TOP6BL: variants seen among roughly 807,000 people sequenced by gnomAD.
TOP6BL encodes the protein TOP6B like initiator of meiotic double strand breaks, also known as type 2 DNA topoisomerase 6 subunit B-like.
the TOP6BL span, chr11:66,762,376 C>A: frequency 5.4e-6 from 2 of 367,638 alleles, no homozygotes; most frequent in Non-Finnish European, 5.0e-6. Flanking sequence ...GCATATGGGG[C>A]ACTCAGCGCA....
the TOP6BL span, chr11:66,762,465 C>G: frequency 3.6e-6 from 1 of 277,264 alleles, no homozygotes; most frequent in Non-Finnish European, 6.8e-6. Context: ...CCAGAGTACC[C>G]TTTTTTGTTT....
chr11:66,786,157 G>T, the TOP6BL span, among the ~76,000 whole-genome samples: 2 of 152,114 alleles, frequency 1.3e-5, no homozygotes, highest in Non-Finnish European at 2.9e-5. Flanking sequence ...AATTAGCCAG[G>T]CATGGTGGCA....
At chr11:66,795,353 G>A in the TOP6BL span, among the ~76,000 whole-genome samples, 1 of 148,448 alleles carries the variant, frequency 6.7e-6, no homozygotes, top group African/African-American at 2.5e-5. Context: ...CCAGGCTGGA[G>A]TGCAGGGGCA....
chr11:66,798,292 T>A, the TOP6BL span, among the ~76,000 whole-genome samples: 1 of 151,816 alleles, frequency 6.6e-6, no homozygotes, highest in Admixed American at 6.6e-5. Context: ...TAAAAATGGA[T>A]AGTTCCTTTA....
chr11:66,832,462 T>C, the TOP6BL span, among the ~76,000 whole-genome samples: 2 of 152,238 alleles, frequency 1.3e-5, no homozygotes, highest in African/African-American at 4.8e-5. Context: ...GCTCTGCCCC[T>C]TGTACTTCTG....
chr11:66,816,115 A>G, the TOP6BL span: 39 of 1,605,606 alleles, frequency 2.4e-5, no homozygotes, highest in Admixed American at 1.5e-4. Flanking sequence ...GTCTCAGACT[A>G]TGGATCCTCA....
chr11:66,796,313 T>G, the TOP6BL span: 1 of 1,611,082 alleles, frequency 6.2e-7, no homozygotes, highest in Non-Finnish European at 8.5e-7. Flanking sequence ...TGATGACAGA[T>G]TGTCTGGTTA....
At chr11:66,812,185 C>CTTTT in the TOP6BL span, among the ~76,000 whole-genome samples, 1 of 140,300 alleles carries the variant, frequency 7.1e-6, no homozygotes, top group Admixed American at 7.1e-5. Flanking sequence ...GAGTTTGCAT[C>CTTTT]TTTTTTTTTG....
At chr11:66,790,788 G>T in the TOP6BL span, among the ~76,000 whole-genome samples, 2 of 152,276 alleles carry the variant, frequency 1.3e-5, no homozygotes, top group African/African-American at 4.8e-5. Context: ...TGTTGAAGAG[G>T]TCAGGGAACT....
the TOP6BL span, among the ~76,000 whole-genome samples, chr11:66,749,416 T>A: frequency 1.8e-4 from 27 of 152,268 alleles, no homozygotes; most frequent in African/African-American, 6.5e-4. Flanking sequence ...GCAAGGTTGA[T>A]TTAATTCAAA....
At chr11:66,799,660 C>T in the TOP6BL span, among the ~76,000 whole-genome samples, 1 of 151,048 alleles carries the variant, frequency 6.6e-6, no homozygotes. Flanking sequence ...TGCAGTGAGC[C>T]GAGATTGCGC....
the TOP6BL span, among the ~76,000 whole-genome samples, chr11:66,795,731 AT>A: frequency 5.5e-4 from 80 of 145,720 alleles, no homozygotes; most frequent in Admixed American, 6.9e-4. Context: ...TATTTAAGTA[AT>A]TTTTTTTTTT....
At chr11:66,837,886 C>T in the TOP6BL span, among the ~76,000 whole-genome samples, 130 of 152,248 alleles carry the variant, frequency 8.5e-4, no homozygotes, top group African/African-American at 3.1e-3. Flanking sequence ...TGTGGCAGGG[C>T]TCTAGGAGGC....
At chr11:66,749,588 G>T in the TOP6BL span, among the ~76,000 whole-genome samples, 1 of 151,960 alleles carries the variant, frequency 6.6e-6, no homozygotes, top group Non-Finnish European at 1.5e-5. Flanking sequence ...TATTTATTTA[G>T]AGATGGAGTC....
the TOP6BL span, chr11:66,843,311 C>G: frequency 3.9e-6 from 6 of 1,546,842 alleles, no homozygotes; most frequent in South Asian, 1.2e-5. Context: ...ATAAAGCTGC[C>G]GCGCGCTCAC....
the TOP6BL span, chr11:66,758,302 C>CTTTTTCTTTTTTTT: frequency 1.5e-5 from 1 of 67,318 alleles, no homozygotes; most frequent in Non-Finnish European, 2.5e-5. Context: ...TTTTCTTTTT[C>CTTTTTCTTTTTTTT]TTTTTTTTTT....
chr11:66,759,040 C>A, the TOP6BL span: 1 of 1,557,794 alleles, frequency 6.4e-7, no homozygotes, highest in Non-Finnish European at 8.7e-7. Context: ...CTGTTTCTTA[C>A]AGTTGCTTCT....
the TOP6BL span, among the ~76,000 whole-genome samples, chr11:66,840,877 C>G: frequency 6.6e-6 from 1 of 152,152 alleles, no homozygotes; most frequent in South Asian, 2.1e-4. Context: ...CAGCTATCTT[C>G]CATCCCAACT....
the TOP6BL span, among the ~76,000 whole-genome samples, chr11:66,827,779 A>T: frequency 1.3e-5 from 2 of 151,830 alleles, no homozygotes; most frequent in Non-Finnish European, 2.9e-5. Context: ...AGCCTTGCCA[A>T]CATAGTGAAA....
Sources: allele counts gnomAD v4.1 joint callset (sites outside exome capture counted in the v4.1 genomes callset), GRCh38; gene constraint gnomAD v4.1.1; transcripts MANE v1.5; gene names NCBI Gene and HGNC (gene_info 2026-07-23, HGNC 2026-07-21).